The following TCF4 variants were observed in gnomAD, a reference collection of about 807,000 sequenced individuals.
The protein encoded by TCF4 is SL3-3 enhancer factor 2.
In TCF4, 3 loss-of-function variants were observed where a neutral mutation model predicts 82.1. The observed-to-expected ratio is 0.04, with a 90% CI of 0.02 to 0.09. The LOEUF is 0.09. TCF4 is among the 10% of genes least tolerant of loss of function. The pLI is 1.00. For missense variants in TCF4, 518 were observed against 852.7 expected, an observed-to-expected ratio of 0.61 and a Z score of 4.89; for synonymous variants, 276 against 309.6, an observed-to-expected ratio of 0.89 and a Z score of 1.14.
intron 10 of TCF4, among the ~76,000 whole-genome samples, chr18:55,272,478 C>T (rs939911919): frequency 6.6e-6 from 1 of 152,024 alleles, no homozygotes; most frequent in Non-Finnish European, 1.5e-5. Context: ...TTTACATGCC[C>T]ACTATTCGTT....
intron 3 of TCF4, among the ~76,000 whole-genome samples, chr18:55,506,570 A>T (rs1156905958): frequency 6.6e-6 from 1 of 152,172 alleles, no homozygotes; most frequent in Non-Finnish European, 1.5e-5. Context: ...ACACACACAC[A>T]CATATACATA....
At chr18:55,316,558 T>C (rs1285600093) in intron 8 of TCF4, among the ~76,000 whole-genome samples, 1 of 152,044 alleles carries the variant, frequency 6.6e-6, no homozygotes, top group Non-Finnish European at 1.5e-5. Flanking sequence ...AGATAAGTTA[T>C]AAAGGAAGAC....
chr18:55,242,760 C>T (rs527347453), intron 15 of TCF4, among the ~76,000 whole-genome samples: 4 of 152,090 alleles, frequency 2.6e-5, no homozygotes, highest in Admixed American at 6.5e-5. Flanking sequence ...CAGGCGTGCA[C>T]CTTTACGCCC....
At position 55,332,261 on chromosome 18, in the gene TCF4, ACTT is replaced by A. The variant is rs1029459726; in HGVS notation, c.549+18095_549+18097del. 32 of 152,122 alleles carry A rather than the reference ACTT, an allele frequency of 2.1e-4. 1 individual carries two copies. The highest frequency in any genetic ancestry group is 7.2e-4 in the African/African-American group (30 of 41,514). 9.4% of individuals were successfully genotyped at this position (152,122 alleles called of 1,614,324 possible). A position where few individuals can be genotyped will look rare whatever the true frequency, so the allele number is the denominator to read the frequency against. On this transcript the variant is annotated intron_variant, in intron 8 of 19. Coordinates refer to ENST00000354452, the MANE Select transcript of TCF4 (RefSeq NM_001083962.2). ...TTTCCATGTCATTTCCACATATTTAACTTCTTATTTGTTGTCCTTTCCAACACA... is the reference window on the plus strand; with the variant it reads ...TTTCCATGTCATTTCCACATATTTAACTTATTTGTTGTCCTTTCCAACACA...
chr18:55,382,299 GA>G (rs2092031872), intron 6 of TCF4, among the ~76,000 whole-genome samples: 1 of 151,526 alleles, frequency 6.6e-6, no homozygotes, highest in Non-Finnish European at 1.5e-5. Flanking sequence ...TTGAAACAAA[GA>G]AGTCACTTAG....
rs561033622 is a variant in TCF4, at chr18:55,402,077, G to A, written c.369+1377C>T. On this transcript the variant is annotated intron_variant, in intron 6 of 19. Coordinates refer to ENST00000354452, the MANE Select transcript of TCF4 (RefSeq NM_001083962.2). ...CACATTCCAAAGATGTTTCCGTTGCGCTGGAATGGCTGTAAATTTCTTTCC... is the reference window on the plus strand; with the variant it reads ...CACATTCCAAAGATGTTTCCGTTGCACTGGAATGGCTGTAAATTTCTTTCC... 105 of 985,356 alleles carry A rather than the reference G, an allele frequency of 1.1e-4. 4 individuals carry two copies. The South Asian group carries it at 4.0e-3, about 38-fold the overall frequency. 61.0% of individuals were successfully genotyped at this position (985,356 alleles called of 1,614,324 possible). A position where few individuals can be genotyped will look rare whatever the true frequency, so the allele number is the denominator to read the frequency against.
chr18:55,306,709 T>C (rs2070477486), intron 8 of TCF4, among the ~76,000 whole-genome samples: 1 of 152,234 alleles, frequency 6.6e-6, no homozygotes, highest in South Asian at 2.1e-4. Flanking sequence ...TGATGTCACC[T>C]TGCAGGTATA....
chr18:55,229,318 G>T (rs976747801), intron 17 of TCF4: 1 of 540,154 alleles, frequency 1.9e-6, no homozygotes, highest in South Asian at 2.0e-5. Context: ...GGGTGACGTA[G>T]ATTAAAGTTA....
At chr18:55,611,658 T>C (rs923584604) in intron 2 of TCF4, among the ~76,000 whole-genome samples, 1 of 152,178 alleles carries the variant, frequency 6.6e-6, no homozygotes, top group Admixed American at 6.5e-5. Flanking sequence ...AGGAATTACA[T>C]TGAAAAAGTA....
chr18:55,447,187 C>T (rs1462041070), intron 5 of TCF4, among the ~76,000 whole-genome samples: 1 of 151,374 alleles, frequency 6.6e-6, no homozygotes, highest in Non-Finnish European at 1.5e-5. Flanking sequence ...GGCACGTGCC[C>T]ACAGTCCCTG....
intron 3 of TCF4, chr18:55,510,588 C>CCT: frequency 6.6e-7 from 1 of 1,508,512 alleles, no homozygotes; most frequent in Non-Finnish European, 8.9e-7. Context: ...CCTCTGCTGT[C>CCT]CTCTTCCATA....
intron 8 of TCF4, among the ~76,000 whole-genome samples, chr18:55,285,633 A>G (rs1204858993): frequency 3.9e-5 from 6 of 152,186 alleles, no homozygotes; most frequent in Non-Finnish European, 8.8e-5. Flanking sequence ...ACTGAACATC[A>G]CCAACACAGG....
chr18:55,490,188 T>C (rs540161797), intron 3 of TCF4, among the ~76,000 whole-genome samples: 6 of 152,352 alleles, frequency 3.9e-5, no homozygotes, highest in South Asian at 2.1e-4. Context: ...GAAGTCTTCA[T>C]ATCAAAGCCA....
At chr18:55,493,243 A>T (rs1266637862) in intron 3 of TCF4, among the ~76,000 whole-genome samples, 5 of 152,178 alleles carry the variant, frequency 3.3e-5, no homozygotes, top group African/African-American at 1.2e-4. Flanking sequence ...GCCTTAATTT[A>T]AAAAACCTTT....
At chr18:55,418,578 C>T (rs180700444) in intron 5 of TCF4, among the ~76,000 whole-genome samples, 4 of 152,162 alleles carry the variant, frequency 2.6e-5, no homozygotes, top group Non-Finnish European at 5.9e-5. Context: ...TCCTCATAAT[C>T]CTGTTAGGTA....
chr18:55,627,647 C>T (rs896754004), intron 2 of TCF4, among the ~76,000 whole-genome samples: 3 of 152,062 alleles, frequency 2.0e-5, no homozygotes, highest in Non-Finnish European at 2.9e-5. Flanking sequence ...TGCCTGTAAT[C>T]CCAGCTACTC....
intron 3 of TCF4, among the ~76,000 whole-genome samples, chr18:55,519,590 G>C (rs549011829): frequency 1.2e-3 from 184 of 152,050 alleles, no homozygotes; most frequent in Non-Finnish European, 2.4e-3. Context: ...TTATTTCAGA[G>C]CCTAAAATAA....
At chr18:55,586,840 C>CAAA (rs34071688) in intron 2 of TCF4, 2 of 405,706 alleles carry the variant, frequency 4.9e-6, no homozygotes, top group South Asian at 2.3e-5. Context: ...TAATAAAACT[C>CAAA]AAAAAAAAAA....
chr18:55,365,077 C>G (rs891622696), intron 6 of TCF4, among the ~76,000 whole-genome samples: 3 of 148,272 alleles, frequency 2.0e-5, no homozygotes, highest in Admixed American at 6.8e-5. Flanking sequence ...TGCTTGAACT[C>G]GGGAGGTGGA....
Sources: allele counts gnomAD v4.1 joint callset (sites outside exome capture counted in the v4.1 genomes callset), GRCh38; gene constraint gnomAD v4.1.1; transcripts MANE v1.5; gene names NCBI Gene and HGNC (gene_info 2026-07-23, HGNC 2026-07-21).